Variants in ZNF407 observed in about 807,000 individuals in gnomAD.
The protein encoded by ZNF407 is zinc finger protein 407.
In ZNF407, 17 loss-of-function variants were observed where a neutral mutation model predicts 131.2. The ratio of observed to expected loss-of-function variants is 0.13; its 90% CI spans 0.09 to 0.19. The LOEUF (loss-of-function observed/expected upper bound fraction) is 0.19. ZNF407 is among the 10% of genes least tolerant of loss of function. The pLI, the probability that ZNF407 is intolerant of heterozygous loss-of-function variation, is 1.00. For missense variants in ZNF407, 2,681 were observed against 2,830.6 expected, an observed-to-expected ratio of 0.95 and a Z score of 1.20; for synonymous variants, 1,156 against 1,062.0, an observed-to-expected ratio of 1.09 and a Z score of -1.72.
Position 74,922,255 on chromosome 18 carries a change from C to T in ZNF407, c.5428+1563C>T, listed in dbSNP as rs565371026. Among the ~76,000 whole-genome samples, 4 of 152,254 alleles carry T rather than the reference C, an allele frequency of 2.6e-5. No homozygotes were observed. In the South Asian group the frequency reaches 8.3e-4, roughly 32 times the overall value. ...CCCATAACCTTACAGATACCAGAAA[C>T]ACCACCTGTGAAGGAGCTGCTCCTA... On this transcript the variant is annotated intron_variant, in intron 8 of 8. Transcript: ENST00000299687.
intron 3 of ZNF407, among the ~76,000 whole-genome samples, chr18:74,755,725 TTTCC>T (rs1179744326): frequency 2.2e-4 from 24 of 108,022 alleles, no homozygotes; most frequent in African/African-American, 7.0e-4. Flanking sequence ...CTCTTCTTTC[TTTCC>T]TTTCTTTCTT....
chr18:75,038,279 T>C (rs998098186), intron 8 of ZNF407, among the ~76,000 whole-genome samples: 1 of 152,238 alleles, frequency 6.6e-6, no homozygotes, highest in Non-Finnish European at 1.5e-5. Context: ...AATAAGCTGC[T>C]CCCAGGAGCT....
intron 4 of ZNF407, among the ~76,000 whole-genome samples, chr18:74,874,429 T>C: frequency 6.6e-6 from 1 of 152,136 alleles, no homozygotes; most frequent in South Asian, 2.1e-4. Context: ...TTTAAAACAT[T>C]GAATCTAGCC....
chr18:75,034,450 C>T (rs538521162), intron 8 of ZNF407, among the ~76,000 whole-genome samples: 18 of 151,898 alleles, frequency 1.2e-4, no homozygotes, highest in African/African-American at 3.4e-4. Flanking sequence ...ACTACAGGTG[C>T]GCGCCACCAT....
At chr18:74,897,055 T>C (rs984140742) in intron 7 of ZNF407, among the ~76,000 whole-genome samples, 1 of 152,196 alleles carries the variant, frequency 6.6e-6, no homozygotes, top group African/African-American at 2.4e-5. Flanking sequence ...TAATTTTCTT[T>C]CTTGCCCTCT....
intron 7 of ZNF407, among the ~76,000 whole-genome samples, chr18:74,900,969 G>A (rs750001855): frequency 6.6e-6 from 1 of 152,018 alleles, no homozygotes; most frequent in African/African-American, 2.4e-5. Flanking sequence ...TGTGTCCTAC[G>A]AGAGGAATGT....
chr18:74,829,395 T>A (rs1970452343), intron 4 of ZNF407, among the ~76,000 whole-genome samples: 2 of 152,346 alleles, frequency 1.3e-5, no homozygotes, highest in African/African-American at 4.8e-5. Context: ...TTAGCTGTTG[T>A]CATAGTTCAA....
chr18:74,951,884 G>C (rs1466367602), intron 8 of ZNF407, among the ~76,000 whole-genome samples: 1 of 143,856 alleles, frequency 7.0e-6, no homozygotes, highest in Non-Finnish European at 1.5e-5. Flanking sequence ...ATACAGAACA[G>C]GATCTGACAA....
At chr18:74,893,838 G>GT (rs1168471121) in intron 7 of ZNF407, among the ~76,000 whole-genome samples, 3 of 151,826 alleles carry the variant, frequency 2.0e-5, no homozygotes, top group Non-Finnish European at 4.4e-5. Context: ...CTAGTTTTAT[G>GT]TTTTTATTTG....
chr18:74,790,526 A>G (rs1482311488), intron 4 of ZNF407, among the ~76,000 whole-genome samples: 2 of 152,212 alleles, frequency 1.3e-5, no homozygotes, highest in African/African-American at 4.8e-5. Flanking sequence ...GCTGGCATCT[A>G]GAATATTTTT....
intron 4 of ZNF407, among the ~76,000 whole-genome samples, chr18:74,829,588 A>G (rs976293116): frequency 6.6e-6 from 1 of 152,170 alleles, no homozygotes; most frequent in African/African-American, 2.4e-5. Flanking sequence ...GCTTTGCTAA[A>G]TTTTGAGCCC....
At chr18:74,915,633 T>A (rs1971745037) in intron 7 of ZNF407, among the ~76,000 whole-genome samples, 1 of 129,272 alleles carries the variant, frequency 7.7e-6, no homozygotes, top group African/African-American at 3.0e-5. Context: ...AGTGTGTGTG[T>A]GTGTGCGTGC....
chr18:74,623,885 A>G (rs566421715), intron 1 of ZNF407, among the ~76,000 whole-genome samples: 23 of 152,226 alleles, frequency 1.5e-4, no homozygotes, highest in Admixed American at 1.0e-3. Context: ...TAAGATGGAT[A>G]CTTGGGGAAT....
At chr18:75,047,829 A>C (rs534056337) in intron 8 of ZNF407, among the ~76,000 whole-genome samples, 57 of 152,378 alleles carry the variant, frequency 3.7e-4, no homozygotes, top group African/African-American at 1.3e-3. Flanking sequence ...CAAATGAGGA[A>C]TTAATTCGGT....
intron 4 of ZNF407, among the ~76,000 whole-genome samples, chr18:74,867,193 G>A (rs1244082452): frequency 6.6e-6 from 1 of 152,090 alleles, no homozygotes; most frequent in African/African-American, 2.4e-5. Flanking sequence ...TGTGTTTTGT[G>A]TCTAATGCAG....
chr18:74,793,057 G>C (rs1202155353), intron 4 of ZNF407, among the ~76,000 whole-genome samples: 2 of 152,172 alleles, frequency 1.3e-5, no homozygotes, highest in East Asian at 3.8e-4. Context: ...AAAGTATTTT[G>C]AGTTGGGCGT....
chr18:74,721,738 T>G (rs763994009), intron 3 of ZNF407, among the ~76,000 whole-genome samples: 2 of 152,234 alleles, frequency 1.3e-5, no homozygotes, highest in Non-Finnish European at 2.9e-5. Context: ...ACCACTGGTT[T>G]GATTTATAGT....
At chr18:74,623,162 G>C (rs1038945559) in intron 1 of ZNF407, among the ~76,000 whole-genome samples, 16 of 152,038 alleles carry the variant, frequency 1.1e-4, no homozygotes, top group Middle Eastern at 3.4e-3. Flanking sequence ...GAGTGCGTGT[G>C]TGTGTACGTG....
At chr18:74,701,806 C>T (rs761731804) in intron 3 of ZNF407, among the ~76,000 whole-genome samples, 2 of 152,144 alleles carry the variant, frequency 1.3e-5, no homozygotes, top group African/African-American at 2.4e-5. Context: ...ACCCCTTCCC[C>T]CAACATGCAG....
Sources: allele counts gnomAD v4.1 joint callset (sites outside exome capture counted in the v4.1 genomes callset), GRCh38; gene constraint gnomAD v4.1.1; transcripts MANE v1.5; gene names NCBI Gene and HGNC (gene_info 2026-07-23, HGNC 2026-07-21).